Variants in PSD3 observed in about 807,000 individuals in gnomAD.
The protein encoded by PSD3 is PH and SEC7 domain-containing protein 3.
A neutral mutation model predicts 105.5 loss-of-function variants in PSD3; 49 were observed. The observed-to-expected ratio is 0.46, with a 90% CI of 0.37 to 0.59. PSD3 has a LOEUF of 0.59. PSD3 is among the 20% of genes least tolerant of loss of function. PSD3 has a pLI of 0.00. For missense variants in PSD3, 1,561 were observed against 1,263.8 expected (o/e 1.24, Z -3.57); for synonymous variants, 557 against 457.8 (o/e 1.22, Z -2.77).
chr8:18,755,936 C>T (rs767164717), intron 9 of PSD3, among the ~76,000 whole-genome samples: 34 of 152,076 alleles, frequency 2.2e-4, no homozygotes, highest in Admixed American at 1.6e-3. Context: ...CAGACCTCCA[C>T]GGGGAGGGCA....
At chr8:18,662,729 C>T (rs905011678) in intron 9 of PSD3, among the ~76,000 whole-genome samples, 1 of 152,222 alleles carries the variant, frequency 6.6e-6, no homozygotes, top group African/African-American at 2.4e-5. Context: ...CCCAGCCAAA[C>T]TCCCAAACTA....
chr8:18,844,494 C>T (rs575863756), intron 4 of PSD3, among the ~76,000 whole-genome samples: 1 of 152,064 alleles, frequency 6.6e-6, no homozygotes, highest in African/African-American at 2.4e-5. Context: ...AAACATGATC[C>T]CCCTCTTGTC....
intron 9 of PSD3, among the ~76,000 whole-genome samples, chr8:18,747,132 C>T (rs1805096013): frequency 6.6e-6 from 1 of 152,232 alleles, no homozygotes; most frequent in Non-Finnish European, 1.5e-5. Flanking sequence ...AATGCCCCCA[C>T]ATCTTCAATT....
chr8:18,807,086 G>C (rs1225841498), intron 4 of PSD3, among the ~76,000 whole-genome samples: 4 of 152,128 alleles, frequency 2.6e-5, no homozygotes, highest in Non-Finnish European at 5.9e-5. Context: ...TAAAAAATAG[G>C]TTGTAAACTT....
chr8:18,819,013 G>A (rs1387248551), intron 4 of PSD3, among the ~76,000 whole-genome samples: 1 of 151,978 alleles, frequency 6.6e-6, no homozygotes, highest in Non-Finnish European at 1.5e-5. Flanking sequence ...GAGTAATCTG[G>A]ACAAGCACCT....
intron 4 of PSD3, among the ~76,000 whole-genome samples, chr8:18,853,822 T>C (rs1010450501): frequency 1.3e-5 from 2 of 152,168 alleles, no homozygotes; most frequent in African/African-American, 4.8e-5. Context: ...CACCAAGCTA[T>C]GTCTAAGCGC....
intron 9 of PSD3, among the ~76,000 whole-genome samples, chr8:18,682,622 G>A (rs910438558): frequency 6.6e-6 from 1 of 152,058 alleles, no homozygotes; most frequent in South Asian, 2.1e-4. Context: ...TGACGGAGGG[G>A]GTCAGACTCC....
chr8:18,840,739 T>A (rs1049519884), intron 4 of PSD3, among the ~76,000 whole-genome samples: 2 of 152,142 alleles, frequency 1.3e-5, no homozygotes, highest in African/African-American at 4.8e-5. Flanking sequence ...TTATCCTGCC[T>A]CTCTGGGAGA....
intron 11 of PSD3, among the ~76,000 whole-genome samples, chr8:18,614,208 T>C (rs1268277323): frequency 6.6e-6 from 1 of 152,182 alleles, no homozygotes; most frequent in Non-Finnish European, 1.5e-5. Context: ...TACTTTTCTT[T>C]GGGTCAGTTA....
rs184033986 is a variant in PSD3 at position 18,554,080 on chromosome 8, C to A, written c.2928+2129G>T. The stretch of plus-strand genomic sequence containing the variant: ...ATTTTCAGAAAAGAGGTAGCGCTGT[C>A]GACTCAAAAGTAGGGAGGGCTCCTA... On this transcript the variant is annotated intron_variant, in intron 15 of 15. Coordinates refer to ENST00000327040, the MANE Select transcript of PSD3 (RefSeq NM_015310.4). Among the ~76,000 whole-genome samples the A allele has an allele frequency of 4.1e-4, 63 of 152,256 alleles. 1 individual carries two copies. In the South Asian group the frequency reaches 0.012, roughly 29 times the overall value.
At chr8:18,858,097 G>A (rs1006182769) in intron 4 of PSD3, among the ~76,000 whole-genome samples, 9 of 152,152 alleles carry the variant, frequency 5.9e-5, no homozygotes, top group Non-Finnish European at 1.0e-4. Context: ...AACAGCTTGA[G>A]CCAATTCAAT....
intron 1 of PSD3, among the ~76,000 whole-genome samples, chr8:19,080,017 G>C (rs901813561): frequency 6.6e-6 from 1 of 150,960 alleles, no homozygotes; most frequent in African/African-American, 2.4e-5. Flanking sequence ...AGACTCCCCA[G>C]TAGCTGAGAT....
At chr8:18,948,788 A>G (rs1323652663) in intron 1 of PSD3, among the ~76,000 whole-genome samples, 1 of 152,108 alleles carries the variant, frequency 6.6e-6, no homozygotes, top group East Asian at 1.9e-4. Context: ...TCCACTCTAT[A>G]TTTTTAAAAA....
At chr8:18,586,989 C>A (rs546737586) in intron 12 of PSD3, among the ~76,000 whole-genome samples, 1 of 152,198 alleles carries the variant, frequency 6.6e-6, no homozygotes, top group Non-Finnish European at 1.5e-5. Flanking sequence ...CCCTGTTACA[C>A]AGGAGGCCAA....
At chr8:18,964,037 G>T (rs1248509956) in intron 1 of PSD3, among the ~76,000 whole-genome samples, 1 of 152,134 alleles carries the variant, frequency 6.6e-6, no homozygotes, top group African/African-American at 2.4e-5. Context: ...ACATATACTT[G>T]CCTATATTTA....
intron 9 of PSD3, among the ~76,000 whole-genome samples, chr8:18,690,439 T>G (rs1490888715): frequency 6.6e-6 from 1 of 152,210 alleles, no homozygotes; most frequent in Non-Finnish European, 1.5e-5. Context: ...ACTGCTTTAT[T>G]TTTCCTGTCT....
chr8:18,953,650 G>A (rs955641846), intron 1 of PSD3, among the ~76,000 whole-genome samples: 3 of 152,094 alleles, frequency 2.0e-5, no homozygotes, highest in Non-Finnish European at 4.4e-5. Context: ...TCGGGAGGCT[G>A]AGGCAGGAGA....
rs78718399 is a variant in PSD3, at chr8:18,866,096, A to G, written c.1634+1578T>C. The stretch of plus-strand genomic sequence containing the variant: ...CTCCCCAAACCATGTTTGGTCTGTA[A>G]TATAAACAACTTCCACTCACCCTAG... On this transcript the variant is annotated intron_variant, in intron 4 of 15. Transcript: ENST00000327040. Among the ~76,000 whole-genome samples the G allele has an allele frequency of 2.6e-5, 4 of 152,290 alleles. No individual in the cohort carries two copies. In the East Asian group the frequency reaches 7.7e-4, roughly 29 times the overall value.
chr8:18,601,978 A>G (rs1408438869), intron 11 of PSD3, among the ~76,000 whole-genome samples: 1 of 151,872 alleles, frequency 6.6e-6, no homozygotes, highest in Admixed American at 6.6e-5. Flanking sequence ...CTATCCTCCC[A>G]CCCACCAGCC....
Sources: allele counts gnomAD v4.1 joint callset (sites outside exome capture counted in the v4.1 genomes callset), GRCh38; gene constraint gnomAD v4.1.1; transcripts MANE v1.5; gene names NCBI Gene and HGNC (gene_info 2026-07-23, HGNC 2026-07-21).